Variants in BAZ1A observed in about 807,000 individuals in gnomAD.
The protein encoded by BAZ1A is bromodomain adjacent to zinc finger domain protein 1A.
Under a neutral mutation model 185.2 loss-of-function variants are expected in BAZ1A, and 50 were observed. The ratio of observed to expected loss-of-function variants is 0.27; its 90% CI spans 0.22 to 0.34. The LOEUF is 0.34. Among genes scored for constraint, BAZ1A ranks in the 10% least tolerant of loss-of-function variants. The probability of loss-of-function intolerance (pLI) is 1.00; values close to 1 mark genes in which losing one functional copy is unlikely to be tolerated. For missense variants in BAZ1A, 1,356 were observed against 1,839.9 expected (o/e 0.74, Z 4.81); for synonymous variants, 571 against 615.6 (o/e 0.93, Z 1.07).
At chr14:34,790,764 C>T (rs1164719218) in intron 12 of BAZ1A, among the ~76,000 whole-genome samples, 1 of 152,142 alleles carries the variant, frequency 6.6e-6, no homozygotes, top group Non-Finnish European at 1.5e-5. Flanking sequence ...TAGAGAGATA[C>T]ATCTTATATT....
At chr14:34,823,299 G>A (rs948227834) in intron 4 of BAZ1A, among the ~76,000 whole-genome samples, 2 of 151,846 alleles carry the variant, frequency 1.3e-5, no homozygotes, top group Non-Finnish European at 2.9e-5. Context: ...GGTTGCAGTG[G>A]GCCGAGACTG....
At chr14:34,842,448 T>A (rs2042431202) in intron 3 of BAZ1A, among the ~76,000 whole-genome samples, 1 of 152,210 alleles carries the variant, frequency 6.6e-6, no homozygotes, top group Admixed American at 6.5e-5. Context: ...TGGTTAAGAA[T>A]TTAAGCAGCA....
At chr14:34,875,103 C>T (rs1295528371) in intron 1 of BAZ1A, 35 bp downstream of exon 1, 1 of 363,438 alleles carries the variant, frequency 2.8e-6, no homozygotes, top group East Asian at 7.4e-5. Context: ...CTCCACTTCC[C>T]CGCCGGCGCC....
intron 10 of BAZ1A, 26 bp from the exon 11 acceptor site, chr14:34,794,913 C>T: frequency 6.3e-7 from 1 of 1,599,110 alleles, no homozygotes; most frequent in Non-Finnish European, 8.5e-7. Flanking sequence ...ATTTATATAA[C>T]TATTTGAACC....
At chr14:34,759,494 C>T (rs1044448172) in intron 24 of BAZ1A, among the ~76,000 whole-genome samples, 1 of 151,810 alleles carries the variant, frequency 6.6e-6, no homozygotes, top group Non-Finnish European at 1.5e-5. Context: ...CCACCACGCC[C>T]GGCCTTTTCA....
chr14:34,767,293 T>G (rs1209340670), intron 21 of BAZ1A, among the ~76,000 whole-genome samples: 1 of 152,174 alleles, frequency 6.6e-6, no homozygotes, highest in Non-Finnish European at 1.5e-5. Context: ...CTCACACCTG[T>G]AATCCCAGCA....
Position 34,759,490 on chromosome 14 carries a change from C to T in BAZ1A, c.4244-644G>A, listed in dbSNP as rs148778086. Among the ~76,000 whole-genome samples, 961 of 152,202 alleles carry T rather than the reference C, an allele frequency of 6.3e-3. 10 individuals carry two copies. Among genetic ancestry groups the T allele is most frequent in the Middle Eastern group, 0.037 (11 of 294 alleles). ...CTGGGATTACAGGCGTGAGCCACCACGCCCGGCCTTTTCAGCTACAGTTAA... is the reference window on the plus strand; with the variant it reads ...CTGGGATTACAGGCGTGAGCCACCATGCCCGGCCTTTTCAGCTACAGTTAA... On this transcript the variant is annotated intron_variant, in intron 24 of 26. Transcript: ENST00000360310.
At chr14:34,771,489 T>G in intron 21 of BAZ1A, 22 bp downstream of exon 21, 1 of 1,591,512 alleles carries the variant, frequency 6.3e-7, no homozygotes, top group Non-Finnish European at 8.5e-7. Flanking sequence ...ACTAATATTT[T>G]GAAATAAAAA....
At chr14:34,773,408 G>A (rs1879359940) in intron 20 of BAZ1A, among the ~76,000 whole-genome samples, 164 bp downstream of exon 20, 1 of 150,932 alleles carries the variant, frequency 6.6e-6, no homozygotes, top group Non-Finnish European at 1.5e-5. Flanking sequence ...CAGAGATCCT[G>A]AGGTTTAGAA....
chr14:34,774,204 T>A (rs1015549967), intron 19 of BAZ1A, 123 bp downstream of exon 19: 21 of 721,224 alleles, frequency 2.9e-5, no homozygotes, highest in Non-Finnish European at 4.1e-5. Flanking sequence ...TCATAAAAAA[T>A]TTATCATTCT....
At position 34,786,214 on chromosome 14, in the gene BAZ1A, T is replaced by C. The variant is rs1339389729; in HGVS notation, c.1518A>G (p.Thr506=). ...GGTCTGCATCTTCATCCAAAGCCTC[T>C]GTTAAATCTTTAAGGAAATAAATAC... ...QLTDADTKDL[T]EALDEDADPT... The change falls in exon 13 of 27, where the codon ACA becomes ACG. Residue 506 remains threonine, a synonymous_variant. Transcript: ENST00000360310. 6.2e-7 allele frequency: 1 copy of C among 1,610,142 alleles called. No individual in the cohort carries two copies.
intron 5 of BAZ1A, among the ~76,000 whole-genome samples, chr14:34,809,624 G>A (rs549684824): frequency 5.3e-5 from 8 of 152,182 alleles, no homozygotes; most frequent in Non-Finnish European, 1.2e-4. Context: ...AGTCACTTAA[G>A]TCTTTTATTA....
intron 3 of BAZ1A, among the ~76,000 whole-genome samples, chr14:34,848,304 A>C (rs2042546019): frequency 6.6e-6 from 1 of 152,224 alleles, no homozygotes; most frequent in Non-Finnish European, 1.5e-5. Flanking sequence ...ATATCAGCTT[A>C]TAAGATTAAA....
intron 4 of BAZ1A, among the ~76,000 whole-genome samples, chr14:34,814,637 T>C (rs2041979150): frequency 6.6e-6 from 1 of 151,892 alleles, no homozygotes; most frequent in South Asian, 2.1e-4. Context: ...GCCCGGCTAA[T>C]TTTTTGTATT....
At position 34,765,061 on chromosome 14, in the gene BAZ1A, T is replaced by C; in HGVS notation, c.3509A>G (p.Asp1170Gly). ...AENMVLCDGCDRGHHTYCVRP... is the reference protein window; with the variant it reads ...AENMVLCDGCGRGHHTYCVRP... ...AACACAGTAGGTATGATGACCCCTA[T>C]CACAGCCATCACAAAGAACCATGTT... Residue 1170 changes from aspartate (D) to glycine (G), a missense_variant, in exon 22 of 27, where the codon GAT becomes GGT. Asp to Gly is a moderately conservative substitution (Grantham distance 94, BLOSUM62 -1). Coordinates refer to ENST00000360310, the MANE Select transcript of BAZ1A (RefSeq NM_013448.3). 1 of 1,614,178 alleles carries C rather than the reference T, an allele frequency of 6.2e-7. No individual in the cohort carries two copies. The highest frequency in any genetic ancestry group is 8.5e-7 in the Non-Finnish European group (1 of 1,180,024).
At chr14:34,802,219 T>TTTTTG (rs574299184) in intron 7 of BAZ1A, among the ~76,000 whole-genome samples, 5 of 152,262 alleles carry the variant, frequency 3.3e-5, no homozygotes, top group South Asian at 2.1e-4. Context: ...TTTGTGTAGT[T>TTTTTG]TTTTGTTTTG....
intron 2 of BAZ1A, among the ~76,000 whole-genome samples, chr14:34,869,826 AAAT>A (rs1350967666): frequency 3.3e-5 from 5 of 152,168 alleles, no homozygotes; most frequent in Non-Finnish European, 7.3e-5. Context: ...GTTTTGACCA[AAAT>A]AATAAAGAAA....
chr14:34,804,199 G>C (rs938889467), intron 6 of BAZ1A, among the ~76,000 whole-genome samples: 2 of 152,028 alleles, frequency 1.3e-5, no homozygotes, highest in Admixed American at 1.3e-4. Context: ...GTAGAGACAG[G>C]GTCTCACCAT....
chr14:34,787,631 C>T (rs1291751995), intron 12 of BAZ1A, among the ~76,000 whole-genome samples: 1 of 151,874 alleles, frequency 6.6e-6, no homozygotes, highest in Non-Finnish European at 1.5e-5. Context: ...TTCAGTGAGC[C>T]GAGATCACAC....
Sources: allele counts gnomAD v4.1 joint callset (sites outside exome capture counted in the v4.1 genomes callset), GRCh38; gene constraint gnomAD v4.1.1; transcripts MANE v1.5; gene names NCBI Gene and HGNC (gene_info 2026-07-23, HGNC 2026-07-21).